DNAI3: variants seen among roughly 807,000 people sequenced by gnomAD.
DNAI3 encodes the protein dynein axonemal intermediate chain 3.
A neutral mutation model predicts 115.5 loss-of-function variants in DNAI3; 83 were observed. The observed-to-expected ratio is 0.72, with a 90% CI of 0.60 to 0.86. The LOEUF (loss-of-function observed/expected upper bound fraction) is 0.86. Among genes scored for constraint, DNAI3 ranks in the 40% least tolerant of loss-of-function variants. DNAI3 has a pLI of 0.00. For missense variants in DNAI3, 1,004 were observed against 1,075.8 expected (o/e 0.93, Z 0.93); for synonymous variants, 320 against 347.0 (o/e 0.92, Z 0.86).
intron 3 of DNAI3, among the ~76,000 whole-genome samples, chr1:85,075,151 C>G (rs890868195): frequency 6.6e-6 from 1 of 152,090 alleles, no homozygotes; most frequent in Non-Finnish European, 1.5e-5. Context: ...CCTTGGCCTC[C>G]CAAAGTGCTG....
At position 85,126,549 on chromosome 1, in the gene DNAI3, G is replaced by C. The variant is rs768684013; in HGVS notation, c.2151G>C (p.Arg717Ser). Residue 717 changes from arginine to serine, a missense_variant, in exon 20 of 23, where the codon AGG becomes AGC. Arg to Ser is a moderately radical substitution (Grantham distance 110). Transcript: ENST00000294664. ...PLLQSCCAPK[R>S]YTSGHWSLTR... ...TTCAGTCATGCTGTGCACCAAAAAG[G>C]TACACCTCAGGCCACTGGTCCCTGA... 1 of 1,614,066 alleles carries C rather than the reference G, an allele frequency of 6.2e-7. No individual in the cohort carries two copies. Among genetic ancestry groups the C allele is most frequent in the Non-Finnish European group, 8.5e-7 (1 of 1,179,986 alleles).
chr1:85,071,971 A>T lies in DNAI3; in HGVS notation c.30A>T (p.Ser10=). Residue 10 remains serine, a synonymous_variant, in exon 2 of 23, where the codon TCA becomes TCT. Transcript: ENST00000294664. ...CTCCAAAACAAAAGAAAAAGACATC[A>T]CGTGGCAAAAAAAGACTAAAACCAG... The part of the protein sequence containing the change: MAPKQKKKT[S]RGKKRLKPVL... 1 of 1,612,262 alleles carries T rather than the reference A, an allele frequency of 6.2e-7. No homozygotes were observed. Among genetic ancestry groups the T allele is most frequent in the Non-Finnish European group, 8.5e-7 (1 of 1,179,680 alleles).
At chr1:85,124,395 C>A in intron 19 of DNAI3, 144 bp downstream of exon 19, 2 of 1,095,522 alleles carry the variant, frequency 1.8e-6, no homozygotes, top group Non-Finnish European at 2.7e-6. Context: ...ACCAGCTTGT[C>A]AGCAGAACCA....
At chr1:85,110,450 C>CAAATAAATAAATAAATAAATAAATAAAT (rs71582946) in intron 16 of DNAI3, among the ~76,000 whole-genome samples, 34 of 138,254 alleles carry the variant, frequency 2.5e-4, no homozygotes, top group East Asian at 8.3e-4. Context: ...GACTCCATCT[C>CAAATAAATAAATAAATAAATAAATAAAT]AAATAAATAA....
At chr1:85,084,250 GTA>G (rs33956396) in intron 5 of DNAI3, among the ~76,000 whole-genome samples, 3,993 of 84,942 alleles carry the variant, frequency 0.047, 80 homozygotes, top group African/African-American at 0.069. Context: ...TCAGCAGTGT[GTA>G]TATATATATA....
chr1:85,097,694 A>G, intron 12 of DNAI3, 39 bp downstream of exon 12: 1 of 1,567,160 alleles, frequency 6.4e-7, no homozygotes, highest in South Asian at 1.2e-5. Flanking sequence ...AGTTTTTTCC[A>G]TTGAAGAGTT....
At chr1:85,114,510 A>T (rs938035984) in intron 16 of DNAI3, among the ~76,000 whole-genome samples, 1 of 151,620 alleles carries the variant, frequency 6.6e-6, no homozygotes, top group African/African-American at 2.4e-5. Flanking sequence ...GAGCCTCCAG[A>T]ATGTTAAATG....
At chr1:85,108,723 A>G (rs1481980914) in intron 15 of DNAI3, among the ~76,000 whole-genome samples, 1 of 152,202 alleles carries the variant, frequency 6.6e-6, no homozygotes, top group Admixed American at 6.5e-5. Flanking sequence ...TCACCCAGGT[A>G]GTGAACATAG....
chr1:85,124,797 G>A (rs1167609065), intron 19 of DNAI3, among the ~76,000 whole-genome samples: 3 of 152,196 alleles, frequency 2.0e-5, no homozygotes, highest in Admixed American at 6.5e-5. Flanking sequence ...GCCTCCCGAA[G>A]TGCTGGGATT....
intron 16 of DNAI3, among the ~76,000 whole-genome samples, chr1:85,112,234 C>G (rs1655680447): frequency 6.6e-6 from 1 of 152,108 alleles, no homozygotes; most frequent in Admixed American, 6.5e-5. Flanking sequence ...TTCTTTTAAT[C>G]AGCATGATTA....
At chr1:85,099,276 A>C in intron 13 of DNAI3, 11 of 985,376 alleles carry the variant, frequency 1.1e-5, no homozygotes, top group Non-Finnish European at 1.2e-5. Flanking sequence ...ACTTTGAATA[A>C]TTAACAGGTG....
intron 2 of DNAI3, among the ~76,000 whole-genome samples, chr1:85,072,371 C>T (rs933280006): frequency 1.4e-4 from 22 of 152,290 alleles, no homozygotes; most frequent in South Asian, 4.1e-4. Flanking sequence ...TGGCTGGGCG[C>T]GGTGGTTCAC....
chr1:85,116,930 C>T (rs1299351697), intron 16 of DNAI3, among the ~76,000 whole-genome samples: 1 of 152,074 alleles, frequency 6.6e-6, no homozygotes, highest in African/African-American at 2.4e-5. Flanking sequence ...CAGAATTATG[C>T]TAAAGTTTTT....
At chr1:85,130,665 G>T (rs1019599539) in intron 22 of DNAI3, among the ~76,000 whole-genome samples, 8 of 139,542 alleles carry the variant, frequency 5.7e-5, no homozygotes, top group Non-Finnish European at 1.5e-5. Flanking sequence ...AGATTAGATA[G>T]ATGATAGATA....
rs74739518 is a variant in DNAI3 at position 85,086,453 on chromosome 1, T to A, written c.740+423T>A. ...AAAAAATACATCCATCCAGAGCCCT[T>A]AGGATGGCATATGAGGTTCTCCTTC... On this transcript the variant is annotated intron_variant, in intron 7 of 22. Transcript: ENST00000294664. Among the ~76,000 whole-genome samples the A allele has an allele frequency of 2.2e-3, 337 of 152,246 alleles. 13 individuals are homozygous for A. In the East Asian group the frequency reaches 0.057, roughly 26 times the overall value.
intron 13 of DNAI3, among the ~76,000 whole-genome samples, chr1:85,103,369 C>T (rs1202501647): frequency 1.3e-5 from 2 of 152,002 alleles, no homozygotes; most frequent in Admixed American, 6.6e-5. Flanking sequence ...AGACTTATGC[C>T]CGTGATTACA....
At position 85,117,789 on chromosome 1, in the gene DNAI3, T is replaced by G; in HGVS notation, c.1847T>G (p.Leu616Arg). The change falls in exon 17 of 23, where the codon CTG (leucine) becomes CGG (arginine). Residue 616 changes from leucine (L) to arginine (R), a missense_variant. Physicochemically the swap from Leu to Arg is moderately radical, Grantham distance 102 (BLOSUM62 -2). Coordinates refer to ENST00000294664, the MANE Select transcript of DNAI3 (RefSeq NM_145172.5). ...KAEEMNPYHN[L>R]ESGMANLLKP... ...GAAGAAATGAACCCGTATCATAATC[T>G]GGAAAGTGGGATGGCCAATCTTCTC... is the stretch of plus-strand genomic sequence containing the variant. 6.2e-7 allele frequency: 1 copy of G among 1,613,998 alleles called. No individual in the cohort carries two copies. Among genetic ancestry groups the G allele is most frequent in the Non-Finnish European group, 8.5e-7 (1 of 1,179,870 alleles).
chr1:85,118,561 AG>A (rs1444617689), intron 17 of DNAI3, among the ~76,000 whole-genome samples: 1 of 152,186 alleles, frequency 6.6e-6, no homozygotes, highest in African/African-American at 2.4e-5. Flanking sequence ...CCATGAGAAG[AG>A]GCCATAGCTC....
chr1:85,064,780 C>T (rs1482567535), intron 1 of DNAI3, among the ~76,000 whole-genome samples: 1 of 151,938 alleles, frequency 6.6e-6, no homozygotes, highest in Non-Finnish European at 1.5e-5. Context: ...CGCCTGTAAT[C>T]CCAGCACTTT....
Sources: allele counts gnomAD v4.1 joint callset (sites outside exome capture counted in the v4.1 genomes callset), GRCh38; gene constraint gnomAD v4.1.1; transcripts MANE v1.5; gene names NCBI Gene and HGNC (gene_info 2026-07-23, HGNC 2026-07-21).